The following BMPR2 variants were observed in gnomAD, a reference collection of about 807,000 sequenced individuals.
The protein encoded by BMPR2 is bone morphogenetic protein receptor type 2, also known as bone morphogenetic protein receptor type-2.
In BMPR2, 29 loss-of-function variants were observed where a neutral mutation model predicts 100.8. That is an observed-to-expected ratio of 0.29 (90% CI 0.21 to 0.39). BMPR2 has a LOEUF of 0.39. Among genes scored for constraint, BMPR2 ranks in the 10% least tolerant of loss-of-function variants. The probability of loss-of-function intolerance (pLI) is 1.00; values close to 1 mark genes in which losing one functional copy is unlikely to be tolerated. For missense variants in BMPR2, 1,011 were observed against 1,274.5 expected (o/e 0.79, Z 3.15); for synonymous variants, 382 against 442.3 (o/e 0.86, Z 1.71).
chr2:202,377,943 C>T (rs766610408), intron 1 of BMPR2, among the ~76,000 whole-genome samples: 1 of 152,140 alleles, frequency 6.6e-6, no homozygotes, highest in Non-Finnish European at 1.5e-5. Context: ...TATAAAGAAG[C>T]GGTTTTGGCT....
chr2:202,420,144 G>A (rs1039217814), intron 1 of BMPR2, among the ~76,000 whole-genome samples: 1 of 151,874 alleles, frequency 6.6e-6, no homozygotes. Context: ...ATTGCCTTAT[G>A]TTGCTTATTG....
At chr2:202,507,835 G>C (rs918619798) in intron 3 of BMPR2, among the ~76,000 whole-genome samples, 1 of 151,680 alleles carries the variant, frequency 6.6e-6, no homozygotes, top group Non-Finnish European at 1.5e-5. Flanking sequence ...GAGTAGCTGG[G>C]ATTACAGGCA....
At chr2:202,445,963 A>G (rs933838034) in intron 1 of BMPR2, among the ~76,000 whole-genome samples, 2 of 149,342 alleles carry the variant, frequency 1.3e-5, no homozygotes, top group Non-Finnish European at 2.9e-5. Flanking sequence ...TTTAGTAGAG[A>G]TGGGGTTTCA....
intron 7 of BMPR2, among the ~76,000 whole-genome samples, chr2:202,522,081 TC>T (rs1313206947): frequency 2.6e-5 from 4 of 151,704 alleles, no homozygotes; most frequent in African/African-American, 9.7e-5. Context: ...ATTGCTTGAG[TC>T]CAGGAGGTCT....
chr2:202,417,128 G>A (rs921359470), intron 1 of BMPR2, among the ~76,000 whole-genome samples: 22 of 151,296 alleles, frequency 1.5e-4, no homozygotes, highest in Non-Finnish European at 2.8e-4. Context: ...GAGCCGTGGC[G>A]CCCAGCCTAG....
intron 1 of BMPR2, among the ~76,000 whole-genome samples, chr2:202,419,446 G>A (rs1381422322): frequency 6.6e-6 from 1 of 152,028 alleles, no homozygotes; most frequent in Non-Finnish European, 1.5e-5. Flanking sequence ...AACCTCTGCT[G>A]CCCAGGTTTA....
At chr2:202,429,642 C>G (rs1186594971) in intron 1 of BMPR2, among the ~76,000 whole-genome samples, 1 of 152,174 alleles carries the variant, frequency 6.6e-6, no homozygotes, top group Non-Finnish European at 1.5e-5. Context: ...CTATAAAGAA[C>G]TTCCTTGAGA....
At chr2:202,489,723 ACTC>A (rs1256511001) in intron 3 of BMPR2, among the ~76,000 whole-genome samples, 1 of 152,130 alleles carries the variant, frequency 6.6e-6, no homozygotes, top group East Asian at 1.9e-4. Context: ...TTACTTACAG[ACTC>A]CTTTGTTTGG....
At chr2:202,457,561 TAGAGAGAGAG>T (rs72489501) in intron 1 of BMPR2, among the ~76,000 whole-genome samples, 1,482 of 94,826 alleles carry the variant, frequency 0.016, 21 homozygotes, top group African/African-American at 0.059. Flanking sequence ...TATATATATA[TAGAGAGAGAG>T]AGAGAGAGAG....
chr2:202,453,085 C>A (rs1692020109), intron 1 of BMPR2, among the ~76,000 whole-genome samples: 1 of 152,054 alleles, frequency 6.6e-6, no homozygotes, highest in African/African-American at 2.4e-5. Flanking sequence ...GGTCCTTGTA[C>A]AACATCTTAA....
chr2:202,524,165 A>G (rs1687867038), intron 7 of BMPR2, among the ~76,000 whole-genome samples: 1 of 151,936 alleles, frequency 6.6e-6, no homozygotes, highest in East Asian at 1.9e-4. Context: ...GATCAAGACC[A>G]TCCTGGCTAA....
At chr2:202,392,504 T>C (rs1369820363) in intron 1 of BMPR2, among the ~76,000 whole-genome samples, 1 of 152,210 alleles carries the variant, frequency 6.6e-6, no homozygotes, top group Non-Finnish European at 1.5e-5. Context: ...ATTTGATACG[T>C]GTAAAATATA....
intron 1 of BMPR2, among the ~76,000 whole-genome samples, chr2:202,387,040 C>T (rs1393967785): frequency 6.6e-6 from 1 of 152,132 alleles, no homozygotes; most frequent in Non-Finnish European, 1.5e-5. Flanking sequence ...CTATTGTCTT[C>T]CCATCTCATT....
chr2:202,562,926 C>T lies in BMPR2; in HGVS notation c.*2980C>T, dbSNP rs888902517. 1.3e-5 allele frequency: 2 copies of T among 152,030 alleles called. No homozygotes were observed. Among genetic ancestry groups the T allele is most frequent in the Non-Finnish European group, 2.9e-5 (2 of 68,004 alleles). The allele number at this position is 152,030 out of a possible 1,614,324, so 9.4% of individuals were successfully genotyped here. A position where few individuals can be genotyped will look rare whatever the true frequency, so the allele number is the denominator to read the frequency against. On this transcript the variant is annotated 3_prime_UTR_variant, in exon 13 of 13. Coordinates refer to ENST00000374580, the MANE Select transcript of BMPR2 (RefSeq NM_001204.7). ...TATACATATGCTATTTCTCTTAAAC[C>T]TCAGAGCAACCATATGAGCATTGTA...
intron 7 of BMPR2, among the ~76,000 whole-genome samples, chr2:202,523,661 G>A (rs1040371614): frequency 5.9e-5 from 9 of 152,024 alleles, no homozygotes; most frequent in East Asian, 3.9e-4. Context: ...AAAATTAGCC[G>A]GGGGTGGTGG....
At chr2:202,486,799 G>C (rs1302520042) in intron 3 of BMPR2, among the ~76,000 whole-genome samples, 1 of 152,116 alleles carries the variant, frequency 6.6e-6, no homozygotes, top group African/African-American at 2.4e-5. Flanking sequence ...GCCAAGGCAG[G>C]AGAATTGCTT....
At chr2:202,512,535 T>TC (rs1687643535) in intron 3 of BMPR2, among the ~76,000 whole-genome samples, 3 of 152,238 alleles carry the variant, frequency 2.0e-5, no homozygotes, top group South Asian at 2.1e-4. Flanking sequence ...TTCTTTTTTT[T>TC]CCTCATCAGA....
intron 1 of BMPR2, among the ~76,000 whole-genome samples, chr2:202,404,372 T>C (rs1463366287): frequency 6.6e-6 from 1 of 152,042 alleles, no homozygotes; most frequent in African/African-American, 2.4e-5. Flanking sequence ...TTATATATTT[T>C]TTTAGTAGAG....
intron 9 of BMPR2, among the ~76,000 whole-genome samples, chr2:202,539,146 T>C (rs1408362490): frequency 1.3e-5 from 2 of 152,152 alleles, no homozygotes; most frequent in Admixed American, 1.3e-4. Context: ...TAATGCCTTG[T>C]AAGTCAGTAT....
Sources: allele counts gnomAD v4.1 joint callset (sites outside exome capture counted in the v4.1 genomes callset), GRCh38; gene constraint gnomAD v4.1.1; transcripts MANE v1.5; gene names NCBI Gene and HGNC (gene_info 2026-07-23, HGNC 2026-07-21).